Variants in CDH13 observed in about 807,000 individuals in gnomAD.
The protein encoded by CDH13 is cadherin 13, also known as cadherin-13.
A neutral mutation model predicts 63.8 loss-of-function variants in CDH13; 24 were observed. The observed-to-expected ratio is 0.38, with a 90% CI of 0.27 to 0.53. The LOEUF (loss-of-function observed/expected upper bound fraction) is 0.53, where lower values mean the gene tolerates loss of function less well. Ranked by LOEUF, CDH13 falls within the 20% of genes least tolerant of loss-of-function variation. The probability of loss-of-function intolerance (pLI) is 0.85; values close to 1 mark genes in which losing one functional copy is unlikely to be tolerated. For synonymous variants in CDH13, 503 were observed against 355.3 expected, an observed-to-expected ratio of 1.42 and a Z score of -4.67; for missense variants, 1,049 against 903.1, an observed-to-expected ratio of 1.16 and a Z score of -2.07.
chr16:83,571,150 C>A (rs1426155715), intron 7 of CDH13, among the ~76,000 whole-genome samples: 2 of 151,794 alleles, frequency 1.3e-5, no homozygotes, highest in Non-Finnish European at 2.9e-5. Flanking sequence ...TATTTCATTA[C>A]CAGACTATCA....
At chr16:83,349,345 G>C (rs16960279) in intron 6 of CDH13, among the ~76,000 whole-genome samples, 4,177 of 152,182 alleles carry the variant, frequency 0.027, 192 homozygotes, top group African/African-American at 0.095. Context: ...TTCCTGGAGG[G>C]CACTAATTCC....
intron 2 of CDH13, among the ~76,000 whole-genome samples, chr16:82,860,908 C>T (rs1434769322): frequency 6.6e-6 from 1 of 152,130 alleles, no homozygotes; most frequent in African/African-American, 2.4e-5. Flanking sequence ...ATATTTTAAG[C>T]CAGTCTCACT....
intron 4 of CDH13, among the ~76,000 whole-genome samples, chr16:83,162,046 G>A (rs1429194291): frequency 2.0e-5 from 3 of 152,074 alleles, no homozygotes; most frequent in Non-Finnish European, 2.9e-5. Flanking sequence ...CTTTGTTTGG[G>A]GGTTAGGCCC....
At position 82,627,046 on chromosome 16, in the gene CDH13, C is replaced by T. The variant is rs368393840; in HGVS notation, c.-47C>T. On this transcript the variant is annotated 5_prime_UTR_variant, in exon 1 of 14. Coordinates refer to ENST00000567109, the MANE Select transcript of CDH13 (RefSeq NM_001257.5). Reference sequence around the variant, plus strand: ...CCCACGGAAAATATGCTCAGTGCAGCCGCGTGCATGAATGAAAACGCCGCC... The same window carrying T: ...CCCACGGAAAATATGCTCAGTGCAGTCGCGTGCATGAATGAAAACGCCGCC... 1,210 of 1,568,620 alleles carry T rather than the reference C, an allele frequency of 7.7e-4. 1 individual carries two copies. The highest frequency in any genetic ancestry group is 1.1e-3 in the Admixed American group (59 of 53,700).
At chr16:83,656,565 C>G (rs988309871) in intron 8 of CDH13, among the ~76,000 whole-genome samples, 11 of 152,094 alleles carry the variant, frequency 7.2e-5, no homozygotes, top group Non-Finnish European at 2.9e-5. Flanking sequence ...CAAGCTGGGA[C>G]CAGAACCCCT....
chr16:83,566,567 G>A (rs990343885), intron 7 of CDH13, among the ~76,000 whole-genome samples: 1 of 152,190 alleles, frequency 6.6e-6, no homozygotes, highest in East Asian at 1.9e-4. Context: ...GCCGTTTTGT[G>A]CTTCCTGTTC....
chr16:83,122,409 A>G (rs1174590556), intron 3 of CDH13, among the ~76,000 whole-genome samples: 1 of 152,240 alleles, frequency 6.6e-6, no homozygotes, highest in Non-Finnish European at 1.5e-5. Flanking sequence ...TTTCATTTTG[A>G]ACACATTTAA....
At chr16:83,474,250 C>T (rs1206127397) in intron 6 of CDH13, among the ~76,000 whole-genome samples, 1 of 152,178 alleles carries the variant, frequency 6.6e-6, no homozygotes, top group Admixed American at 6.5e-5. Flanking sequence ...ATTTTACCTG[C>T]ATCTTTAAGC....
At chr16:82,725,013 A>G (rs1393105011) in intron 1 of CDH13, among the ~76,000 whole-genome samples, 3 of 152,200 alleles carry the variant, frequency 2.0e-5, no homozygotes, top group Non-Finnish European at 1.5e-5. Flanking sequence ...TACATTTTAA[A>G]TAGGGCTTGG....
intron 5 of CDH13, among the ~76,000 whole-genome samples, chr16:83,222,735 A>G (rs2039733294): frequency 6.6e-6 from 1 of 152,122 alleles, no homozygotes; most frequent in Non-Finnish European, 1.5e-5. Context: ...CAACTAGTTT[A>G]CAAAGGAAGA....
chr16:83,005,582 T>C (rs895079174), intron 2 of CDH13, among the ~76,000 whole-genome samples: 1 of 152,198 alleles, frequency 6.6e-6, no homozygotes, highest in Non-Finnish European at 1.5e-5. Flanking sequence ...TCCAATTATT[T>C]GTGTGTTCAT....
At chr16:83,401,971 C>T (rs894387227) in intron 6 of CDH13, among the ~76,000 whole-genome samples, 1 of 152,134 alleles carries the variant, frequency 6.6e-6, no homozygotes, top group Non-Finnish European at 1.5e-5. Context: ...TCCTGGGGCT[C>T]CAGTGGCCAC....
At chr16:83,719,868 T>G (rs1272310163) in intron 10 of CDH13, among the ~76,000 whole-genome samples, 1 of 152,154 alleles carries the variant, frequency 6.6e-6, no homozygotes, top group African/African-American at 2.4e-5. Context: ...AGAATTTCCC[T>G]GGTCTGATGC....
chr16:83,138,447 C>T (rs1330130659), intron 4 of CDH13, among the ~76,000 whole-genome samples: 2 of 152,112 alleles, frequency 1.3e-5, no homozygotes, highest in East Asian at 1.9e-4. Context: ...GAGCAGGCAA[C>T]GCGAAGCTGA....
At chr16:83,606,543 G>A (rs1281771962) in intron 8 of CDH13, among the ~76,000 whole-genome samples, 2 of 151,842 alleles carry the variant, frequency 1.3e-5, no homozygotes, top group Non-Finnish European at 2.9e-5. Flanking sequence ...TTCAAGACCA[G>A]TCTGGGAAAC....
chr16:82,718,697 G>T (rs2032556657), intron 1 of CDH13, among the ~76,000 whole-genome samples: 2 of 152,162 alleles, frequency 1.3e-5, no homozygotes, highest in African/African-American at 4.8e-5. Context: ...GACAAGAGAA[G>T]AGAACTCGTG....
At chr16:83,093,247 C>T (rs1290123815) in intron 3 of CDH13, among the ~76,000 whole-genome samples, 1 of 136,472 alleles carries the variant, frequency 7.3e-6, no homozygotes, top group African/African-American at 2.7e-5. Context: ...AGGTGGATTT[C>T]TCCAGTTGAA....
intron 2 of CDH13, among the ~76,000 whole-genome samples, chr16:82,871,344 G>A (rs1289086363): frequency 6.6e-6 from 1 of 152,138 alleles, no homozygotes; most frequent in Non-Finnish European, 1.5e-5. Context: ...GGCTGCCATG[G>A]AGCCATTTCA....
intron 3 of CDH13, among the ~76,000 whole-genome samples, chr16:83,070,518 A>G (rs1032779387): frequency 6.6e-5 from 10 of 152,120 alleles, no homozygotes; most frequent in Admixed American, 2.6e-4. Context: ...ATTCTTTTTA[A>G]TAGCCTTGGT....
Sources: gnomAD v4.1 joint callset for allele counts (sites outside exome capture counted in the v4.1 genomes callset) on GRCh38, gnomAD v4.1.1 for gene constraint, MANE v1.5 for transcripts, NCBI Gene and HGNC (gene_info 2026-07-23, HGNC 2026-07-21) for gene names.